The following STX8 variants were observed in gnomAD, a reference collection of about 807,000 sequenced individuals.
The protein encoded by STX8 is syntaxin 8, also known as syntaxin-8.
A neutral mutation model predicts 37.5 loss-of-function variants in STX8; 23 were observed. The observed-to-expected ratio is 0.61, with a 90% confidence interval of 0.44 to 0.87. STX8 has a LOEUF of 0.87. STX8 is among the 40% of genes least tolerant of loss of function. The pLI is 0.00. For synonymous variants in STX8, 115 were observed against 99.1 expected, an observed-to-expected ratio of 1.16 and a Z score of -0.95; for missense variants, 313 against 284.7, an observed-to-expected ratio of 1.10 and a Z score of -0.71.
chr17:9,498,682 G>A (rs1904500935), intron 5 of STX8, among the ~76,000 whole-genome samples: 1 of 152,110 alleles, frequency 6.6e-6, no homozygotes, highest in South Asian at 2.1e-4. Flanking sequence ...CAAACACCAA[G>A]AGACCTAAGA....
intron 6 of STX8, among the ~76,000 whole-genome samples, chr17:9,456,421 G>A (rs537416638): frequency 6.6e-6 from 1 of 152,286 alleles, no homozygotes; most frequent in Non-Finnish European, 1.5e-5. Flanking sequence ...AACTGGGCTG[G>A]GCCTCCAGCT....
intron 7 of STX8, among the ~76,000 whole-genome samples, chr17:9,365,073 G>A (rs11078795): frequency 0.18 from 26,514 of 149,396 alleles, 2,605 homozygotes; most frequent in Non-Finnish European, 0.22. Context: ...TTCAGAGTTA[G>A]AACAAACAGG....
At chr17:9,297,100 G>A (rs1218834324) in intron 7 of STX8, among the ~76,000 whole-genome samples, 1 of 151,974 alleles carries the variant, frequency 6.6e-6, no homozygotes, top group African/African-American at 2.4e-5. Context: ...ATTTGGCATG[G>A]TGTCCAATGC....
chr17:9,438,327 C>A (rs1904514308), intron 6 of STX8, among the ~76,000 whole-genome samples: 1 of 150,856 alleles, frequency 6.6e-6, no homozygotes, highest in Non-Finnish European at 1.5e-5. Context: ...CCCCCACCCA[C>A]CTCTTAAATA....
rs1174353059 is a variant in STX8 at position 9,360,224 on chromosome 17, C to T, written c.643+18328G>A. On this transcript the variant is annotated intron_variant, in intron 7 of 7. Coordinates refer to ENST00000306357, the MANE Select transcript of STX8 (RefSeq NM_004853.3). ...AAAATACATATAATGTAAAATTAAC[C>T]GTCTTTTTTTTTTTTTTTTTTTTTT... is the stretch of plus-strand genomic sequence containing the variant. Among the ~76,000 whole-genome samples, 4 of 132,294 alleles carry T rather than the reference C, an allele frequency of 3.0e-5. No individual in the cohort carries two copies. The East Asian group carries it at 6.8e-4, about 23-fold the overall frequency. The allele number at this position is 132,294 out of a possible 152,430, so 86.8% of individuals were successfully genotyped here.
In STX8 at chr17:9,419,854, G is replaced by A. The variant is rs77072979; in HGVS notation, c.542-41201C>T. Among the ~76,000 whole-genome samples the A allele has an allele frequency of 3.3e-4, 50 of 152,292 alleles. 1 individual carries two copies. In the East Asian group the frequency reaches 4.2e-3, roughly 13 times the overall value. On this transcript the variant is annotated intron_variant, in intron 6 of 7. Coordinates refer to ENST00000306357, the MANE Select transcript of STX8 (RefSeq NM_004853.3). ...AACTGCAGAATCCCATAAGATTCAC[G>A]GAAACTTCAGAGGAAATAGGAAATT...
intron 6 of STX8, among the ~76,000 whole-genome samples, chr17:9,418,822 G>A (rs1250282014): frequency 1.2e-5 from 1 of 83,332 alleles, no homozygotes; most frequent in Non-Finnish European, 2.1e-5. Flanking sequence ...GCAAGACTCC[G>A]TCTCAAAAAA....
intron 5 of STX8, 69 bp downstream of exon 5, chr17:9,504,969 G>A (rs538715412): frequency 6.6e-4 from 56 of 84,360 alleles, no homozygotes; most frequent in African/African-American, 3.8e-3. Context: ...GCAAGACTCC[G>A]TCTCAAAAAA....
chr17:9,377,285 T>A (rs143009806), intron 7 of STX8, among the ~76,000 whole-genome samples: 2,825 of 151,966 alleles, frequency 0.019, 48 homozygotes, highest in Non-Finnish European at 0.029. Context: ...AGGTTTTTTT[T>A]AAATTGCTTT....
At chr17:9,504,217 G>T (rs531697697) in intron 5 of STX8, among the ~76,000 whole-genome samples, 2 of 151,884 alleles carry the variant, frequency 1.3e-5, no homozygotes, top group South Asian at 4.1e-4. Flanking sequence ...ATATTAATCT[G>T]TTTCCAGTTT....
At chr17:9,442,837 A>G (rs1370104644) in intron 6 of STX8, among the ~76,000 whole-genome samples, 1 of 152,326 alleles carries the variant, frequency 6.6e-6, no homozygotes, top group South Asian at 2.1e-4. Flanking sequence ...GTGGTGTGGT[A>G]TATTATTAGC....
At chr17:9,503,673 T>C (rs1260450541) in intron 5 of STX8, among the ~76,000 whole-genome samples, 2 of 152,080 alleles carry the variant, frequency 1.3e-5, no homozygotes, top group South Asian at 2.1e-4. Flanking sequence ...GGCCTGGCAA[T>C]AAAGCTGATT....
At chr17:9,529,129 T>C (rs570111930) in intron 4 of STX8, among the ~76,000 whole-genome samples, 2 of 151,960 alleles carry the variant, frequency 1.3e-5, no homozygotes, top group Middle Eastern at 3.4e-3. Context: ...TAACATTCTG[T>C]CTTAACTTTA....
At chr17:9,529,897 G>A (rs1039260252) in intron 4 of STX8, among the ~76,000 whole-genome samples, 1 of 152,102 alleles carries the variant, frequency 6.6e-6, no homozygotes, top group African/African-American at 2.4e-5. Flanking sequence ...GGAGAATCGC[G>A]TGAGCCCAGG....
intron 5 of STX8, among the ~76,000 whole-genome samples, chr17:9,504,122 TATCTC>T (rs1315261113): frequency 3.9e-5 from 6 of 152,304 alleles, no homozygotes; most frequent in Admixed American, 2.6e-4. Context: ...GAGAGCTAAA[TATCTC>T]ATGATTCCAT....
At chr17:9,545,068 T>C (rs1485223853) in intron 4 of STX8, 104 bp downstream of exon 4, 4 of 691,738 alleles carry the variant, frequency 5.8e-6, no homozygotes, top group Non-Finnish European at 5.0e-6. Context: ...ATGAATAGAA[T>C]AGATTTTGAT....
At position 9,507,330 on chromosome 17, in the gene STX8, C is replaced by T. The variant is rs1035932918; in HGVS notation, c.324-2168G>A. 1.3e-5 allele frequency among the ~76,000 whole-genome samples: 2 copies of T among 152,062 alleles called. No individual in the cohort carries two copies. Among genetic ancestry groups the T allele is most frequent in the Admixed American group, 1.3e-4 (2 of 15,276 alleles). On this transcript the variant is annotated intron_variant, in intron 4 of 7. Coordinates refer to ENST00000306357, the MANE Select transcript of STX8 (RefSeq NM_004853.3). This position sits in a 1 kb window ranked among gnomAD's most constrained non-coding sequence, Gnocchi z 4.0. ...CATATCTCAGGCCTGAAAAACAGCC[C>T]ATGGGTCACCCCTAGCGGCAACTCC...
chr17:9,388,825 A>C (rs1196647218), intron 6 of STX8, among the ~76,000 whole-genome samples: 6 of 151,942 alleles, frequency 3.9e-5, no homozygotes, highest in East Asian at 1.9e-4. Context: ...AAAAAAAAAA[A>C]AAAACCATAC....
At chr17:9,287,600 G>A (rs953462969) in intron 7 of STX8, among the ~76,000 whole-genome samples, 7 of 152,126 alleles carry the variant, frequency 4.6e-5, no homozygotes, top group Admixed American at 4.6e-4. Context: ...TCTCAGCAGT[G>A]ATGGACTAAA....
Sources: gnomAD v4.1 joint callset for allele counts (sites outside exome capture counted in the v4.1 genomes callset) on GRCh38, gnomAD v4.1.1 for gene constraint, Gnocchi (gnomAD v3.1) non-coding constraint, MANE v1.5 for transcripts, NCBI Gene and HGNC (gene_info 2026-07-23, HGNC 2026-07-21) for gene names.